Variants in SNAPC3 observed in about 807,000 individuals in gnomAD.
The protein encoded by SNAPC3 is snRNA-activating protein complex subunit 3.
Under a neutral mutation model 47.7 loss-of-function variants are expected in SNAPC3, and 56 were observed. That is an observed-to-expected ratio of 1.18 (90% confidence interval 0.95 to 1.47). The LOEUF (loss-of-function observed/expected upper bound fraction) is 1.47, where lower values mean the gene tolerates loss of function less well. Ranked by LOEUF, SNAPC3 falls within the 40% of genes most tolerant of loss-of-function variation. The probability of loss-of-function intolerance (pLI) is 0.00; values close to 1 mark genes in which losing one functional copy is unlikely to be tolerated. For missense variants in SNAPC3, 665 were observed against 511.3 expected (o/e 1.30, Z -2.90); for synonymous variants, 235 against 189.9 (o/e 1.24, Z -1.95).
At chr9:15,462,915 C>T (rs2035327191), downstream of SNAPC3, 1 of 152,224 alleles carries the variant, frequency 6.6e-6, no homozygotes, top group African/African-American at 2.4e-5. Context: ...AAAGCCCTCA[C>T]AGCACCCTAT....
At chr9:15,453,539 A>G (rs2034553005) in intron 7 of SNAPC3, 1 of 166,158 alleles carries the variant, frequency 6.0e-6, no homozygotes, top group African/African-American at 2.4e-5. Context: ...TAACATTGCA[A>G]CTTTATTTTT....
rs1273684378 is a variant in SNAPC3, at chr9:15,438,609, TCTCC to T, written c.477+4976_477+4979del. Among the ~76,000 whole-genome samples, 4 of 152,338 alleles carry T rather than the reference TCTCC, an allele frequency of 2.6e-5. No individual in the cohort carries two copies. In the East Asian group the frequency reaches 7.7e-4, roughly 29 times the overall value. On this transcript the variant is annotated intron_variant, in intron 3 of 8. Coordinates refer to ENST00000380821, the MANE Select transcript of SNAPC3 (RefSeq NM_001039697.2). ...TTTTAAAATCACTCTTTTTACTATA[TCTCC>T]CTAAGTTTCCTATGCTGTGATTTTT...
chr9:15,458,653 T>G (rs1331877402), intron 8 of SNAPC3, among the ~76,000 whole-genome samples: 1 of 152,112 alleles, frequency 6.6e-6, no homozygotes, highest in Non-Finnish European at 1.5e-5. Flanking sequence ...CATTTCTTAC[T>G]GTGGGTCAGT....
At chr9:15,444,787 T>A in intron 4 of SNAPC3, 81 bp downstream of exon 4, 1 of 733,966 alleles carries the variant, frequency 1.4e-6, no homozygotes. Context: ...GTCATATTCC[T>A]ATGCTTACAT....
intron 4 of SNAPC3, 72 bp from the exon 5 acceptor site, chr9:15,447,023 C>A: frequency 1.6e-6 from 2 of 1,252,400 alleles, no homozygotes; most frequent in South Asian, 1.3e-5. Context: ...TAATTTTGAT[C>A]TAGTCATGAC....
At chr9:15,455,433 G>C (rs1431224748) in intron 7 of SNAPC3, among the ~76,000 whole-genome samples, 1 of 152,118 alleles carries the variant, frequency 6.6e-6, no homozygotes. Flanking sequence ...CAGGTGTGGT[G>C]ATGGGCGTCT....
intron 5 of SNAPC3, among the ~76,000 whole-genome samples, chr9:15,447,807 G>A (rs1159743556): frequency 6.6e-6 from 1 of 152,090 alleles, no homozygotes; most frequent in African/African-American, 2.4e-5. Flanking sequence ...GCTGCCCAAG[G>A]ACCAATACCC....
chr9:15,445,467 A>G (rs1262406031), intron 4 of SNAPC3, among the ~76,000 whole-genome samples: 2 of 152,186 alleles, frequency 1.3e-5, no homozygotes, highest in Admixed American at 1.3e-4. Context: ...GTATCTAGGA[A>G]TCTCTTAGGA....
chr9:15,459,974 C>A lies in SNAPC3; in HGVS notation c.*108C>A. On this transcript the variant is annotated 3_prime_UTR_variant, in exon 9 of 9. Transcript: ENST00000380821. ...AGGAACAGGATCCACTTTGAACAGTCCGCTAAAGCTATCAAAAAAAAGTCC... is the reference window on the plus strand; with the variant it reads ...AGGAACAGGATCCACTTTGAACAGTACGCTAAAGCTATCAAAAAAAAGTCC... 3.4e-6 allele frequency: 3 copies of A among 876,634 alleles called. No individual in the cohort carries two copies. The highest frequency in any genetic ancestry group is 5.6e-5 in the South Asian group (2 of 35,668). The allele number at this position is 876,634 out of a possible 1,614,324, so 54.3% of individuals were successfully genotyped here. A position where few individuals can be genotyped will look rare whatever the true frequency, so the allele number is the denominator to read the frequency against.
rs751777117 is a variant in SNAPC3 at position 15,453,109 on chromosome 9, A to T, written c.884A>T (p.Asp295Val). ...AAGTTTCAGACTGCTAGAATGGAAG[A>T]TTTCACCTTCAATGACTTGTGTATT... ...YGKFQTARMEDFTFNDLCIKL... is the reference protein window; with the variant it reads ...YGKFQTARMEVFTFNDLCIKL... Residue 295 changes from aspartate to valine, a missense_variant, in exon 7 of 9, where the codon GAT becomes GTT. Physicochemically the swap from Asp to Val is radical, Grantham distance 152. Coordinates refer to ENST00000380821, the MANE Select transcript of SNAPC3 (RefSeq NM_001039697.2). The T allele has an allele frequency of 6.2e-7, 1 of 1,612,642 alleles. No homozygotes were observed. The highest frequency in any genetic ancestry group is 1.1e-5 in the South Asian group (1 of 91,060).
chr9:15,447,351 G>C (rs1482888976), intron 5 of SNAPC3, 107 bp downstream of exon 5: 1 of 945,944 alleles, frequency 1.1e-6, no homozygotes. Flanking sequence ...CTTCTCCTGC[G>C]GGATTCCATC....
At chr9:15,449,542 TA>T (rs1159630848) in intron 5 of SNAPC3, among the ~76,000 whole-genome samples, 11 of 34,874 alleles carry the variant, frequency 3.2e-4, no homozygotes, top group African/African-American at 1.2e-3. Context: ...TTATTATATA[TA>T]TATATATATA....
At chr9:15,451,881 C>A (rs989174586) in intron 6 of SNAPC3, among the ~76,000 whole-genome samples, 2 of 152,026 alleles carry the variant, frequency 1.3e-5, no homozygotes, top group Non-Finnish European at 2.9e-5. Context: ...TAGGAAAAAT[C>A]TGTAAGCTCA....
chr9:15,437,842 A>G (rs915567680), intron 3 of SNAPC3, among the ~76,000 whole-genome samples: 1 of 152,166 alleles, frequency 6.6e-6, no homozygotes, highest in African/African-American at 2.4e-5. Flanking sequence ...CAAAAATTAA[A>G]CACATTTGAC....
chr9:15,425,135 A>G (rs1587133203), intron 2 of SNAPC3, among the ~76,000 whole-genome samples: 1 of 152,154 alleles, frequency 6.6e-6, no homozygotes, highest in Admixed American at 6.5e-5. Context: ...TTCCAGATTT[A>G]TTTTCAACCA....
intron 3 of SNAPC3, among the ~76,000 whole-genome samples, chr9:15,441,039 ACTC>A (rs1376462992): frequency 1.3e-5 from 2 of 150,528 alleles, no homozygotes; most frequent in Non-Finnish European, 3.0e-5. Flanking sequence ...TGATGAGAAA[ACTC>A]CTGTTAATCT....
At chr9:15,452,355 G>A (rs2034453089) in intron 6 of SNAPC3, among the ~76,000 whole-genome samples, 1 of 133,916 alleles carries the variant, frequency 7.5e-6, no homozygotes, top group East Asian at 2.2e-4. Context: ...TTTCGCTCTT[G>A]TTGCCCAGGC....
intron 2 of SNAPC3, among the ~76,000 whole-genome samples, chr9:15,429,192 G>T (rs1402571325): frequency 6.6e-6 from 1 of 150,922 alleles, no homozygotes; most frequent in South Asian, 2.1e-4. Context: ...ACATAGAGCA[G>T]TGTTTTTTTT....
chr9:15,464,020 C>T (rs2035438613), downstream of SNAPC3: 1 of 172,710 alleles, frequency 5.8e-6, no homozygotes, highest in African/African-American at 2.4e-5. Flanking sequence ...CCCAGAATTC[C>T]ATCACTTACT....
Sources: gnomAD v4.1 joint callset for allele counts (sites outside exome capture counted in the v4.1 genomes callset) on GRCh38, gnomAD v4.1.1 for gene constraint, MANE v1.5 for transcripts, NCBI Gene and HGNC (gene_info 2026-07-23, HGNC 2026-07-21) for gene names.